ZC3HC1: variants seen among roughly 807,000 people sequenced by gnomAD.
ZC3HC1 encodes zinc finger C3HC-type protein 1.
Under a neutral mutation model 61.9 loss-of-function variants are expected in ZC3HC1, and 38 were observed. That is an observed-to-expected ratio of 0.61 (90% CI 0.47 to 0.81). The LOEUF (loss-of-function observed/expected upper bound fraction) is 0.81. Among genes scored for constraint, ZC3HC1 ranks in the 30% least tolerant of loss-of-function variants. The probability of loss-of-function intolerance (pLI) is 0.00; values close to 1 mark genes in which losing one functional copy is unlikely to be tolerated. For synonymous variants in ZC3HC1, 213 were observed against 229.9 expected (o/e 0.93, Z 0.67); for missense variants, 554 against 622.7 (o/e 0.89, Z 1.17).
At position 130,051,329 on chromosome 7, in the gene ZC3HC1, C is replaced by T. The variant is rs775087252; in HGVS notation, c.38G>A (p.Gly13Glu). The change falls in exon 1 of 10, where the codon GGG becomes GAG. Residue 13 changes from glycine (G) to glutamate (E), a missense_variant. Gly to Glu is a moderately conservative substitution (Grantham distance 98). Coordinates refer to ENST00000358303, the MANE Select transcript of ZC3HC1 (RefSeq NM_016478.5). ...APCEGQAFAV[G>E]VEKNWGAVVR... ...TACTGCACCCCAATTCTTTTCAACC[C>T]CTACGGCAAACGCTTGTCCCTCACA... is the stretch of plus-strand genomic sequence containing the variant. 3.1e-6 allele frequency: 5 copies of T among 1,613,360 alleles called. No individual in the cohort carries two copies. The South Asian group carries it at 5.5e-5, about 18-fold the overall frequency.
intron 6 of ZC3HC1, 146 bp downstream of exon 6, chr7:130,026,012 C>A (rs1028012622): frequency 6.9e-5 from 60 of 875,270 alleles, no homozygotes; most frequent in Non-Finnish European, 9.6e-5. Flanking sequence ...ATCCATTCTC[C>A]TCGCACCATC....
rs892651407 is a variant in ZC3HC1 at position 130,022,174 on chromosome 7, A to AAAAC, written c.1440+141_1440+144dup. 8 of 1,111,196 alleles carry AAAAC rather than the reference A, an allele frequency of 7.2e-6. No homozygotes were observed. The East Asian group carries it at 1.8e-4, about 25-fold the overall frequency. The allele number at this position is 1,111,196 out of a possible 1,614,324, so 68.8% of individuals were successfully genotyped here. A position where few individuals can be genotyped will look rare whatever the true frequency, so the allele number is the denominator to read the frequency against. ...CAACAAGAACGAGACTCCATCTCAA[A>AAAAC]AAACAAACAAACAAACAAAAAAACC... On this transcript the variant is annotated intron_variant, in intron 9 of 9. Coordinates refer to ENST00000358303, the MANE Select transcript of ZC3HC1 (RefSeq NM_016478.5).
intron 4 of ZC3HC1, among the ~76,000 whole-genome samples, chr7:130,034,931 C>T (rs1794372555): frequency 6.6e-6 from 1 of 152,154 alleles, no homozygotes; most frequent in South Asian, 2.1e-4. Flanking sequence ...CTTCTCATCA[C>T]ATACATTTAA....
chr7:130,033,745 C>A (rs1207736248), intron 4 of ZC3HC1, among the ~76,000 whole-genome samples: 3 of 152,162 alleles, frequency 2.0e-5, no homozygotes, highest in Non-Finnish European at 4.4e-5. Flanking sequence ...AGCCACCACG[C>A]CTGGCCTGTC....
At chr7:130,043,900 C>T in intron 2 of ZC3HC1, 1 of 450,888 alleles carries the variant, frequency 2.2e-6, no homozygotes, top group Admixed American at 2.5e-5. Flanking sequence ...TTAAGGATAA[C>T]AAATTATGTT....
Position 130,026,266 on chromosome 7 carries a change from T to C in ZC3HC1, c.668A>G (p.Asp223Gly), listed in dbSNP as rs1250412651. 1 of 1,614,046 alleles carries C rather than the reference T, an allele frequency of 6.2e-7. No individual in the cohort carries two copies. The highest frequency in any genetic ancestry group is 1.3e-5 in the African/African-American group (1 of 75,016). ...KISLLLHLLE[D>G]ELDHRTDERK... ...CTCATCAGTTCGGTGATCAAGTTCA[T>C]CTTCAAGCAAGTGTAGGAGAAGACT... Residue 223 changes from aspartate (D) to glycine (G), a missense_variant, in exon 6 of 10, where the codon GAT becomes GGT. By Grantham distance (94) the Asp-to-Gly change is moderately conservative. Transcript: ENST00000358303.
At chr7:130,028,033 C>T (rs925393526) in intron 5 of ZC3HC1, among the ~76,000 whole-genome samples, 2 of 150,460 alleles carry the variant, frequency 1.3e-5, no homozygotes, top group Admixed American at 6.7e-5. Context: ...TAGGCGTGGT[C>T]GCACGTGCCT....
intron 4 of ZC3HC1, among the ~76,000 whole-genome samples, chr7:130,035,374 AGAGT>A (rs1484001456): frequency 6.8e-6 from 1 of 147,364 alleles, no homozygotes; most frequent in African/African-American, 2.6e-5. Flanking sequence ...TCTGGGCAAC[AGAGT>A]GAGACTGTCT....
intron 9 of ZC3HC1, among the ~76,000 whole-genome samples, chr7:130,019,961 C>A (rs1238034229): frequency 6.6e-6 from 1 of 151,682 alleles, no homozygotes; most frequent in Non-Finnish European, 1.5e-5. Context: ...GGATTACAGG[C>A]ATATGCCACC....
chr7:130,023,821 A>T lies in ZC3HC1; in HGVS notation c.1021-98T>A. On this transcript the variant is annotated intron_variant, in intron 7 of 9. Transcript: ENST00000358303. The surrounding 1 kb of genome is among the most constrained non-coding windows in gnomAD (Gnocchi z 4.2). ...AATCTTTTTTCTTTTTTTTTTTGAG[A>T]CAGAGTCTCGCTTTGTTGCCAAGGC... is the stretch of plus-strand genomic sequence containing the variant. 1 of 1,120,258 alleles carries T rather than the reference A, an allele frequency of 8.9e-7. No individual in the cohort carries two copies. The highest frequency in any genetic ancestry group is 1.2e-6 in the Non-Finnish European group (1 of 806,976). The allele number at this position is 1,120,258 out of a possible 1,614,324, so 69.4% of individuals were successfully genotyped here.
intron 2 of ZC3HC1, chr7:130,044,011 C>A: frequency 2.9e-6 from 1 of 348,806 alleles, no homozygotes; most frequent in Non-Finnish European, 5.6e-6. Flanking sequence ...AGGAACTCAT[C>A]GTTTTTTAAA....
chr7:130,040,687 T>C (rs1014045277), intron 3 of ZC3HC1, among the ~76,000 whole-genome samples: 1 of 150,804 alleles, frequency 6.6e-6, no homozygotes, highest in Non-Finnish European at 1.5e-5. Flanking sequence ...ACTGCGCCTG[T>C]AGTCCCAGCT....
chr7:130,028,586 T>C (rs954872361), intron 5 of ZC3HC1, among the ~76,000 whole-genome samples: 4 of 152,012 alleles, frequency 2.6e-5, no homozygotes, highest in Non-Finnish European at 5.9e-5. Context: ...AAGATAAAAC[T>C]GAATTTATGG....
At chr7:130,034,268 G>A (rs1348628664) in intron 4 of ZC3HC1, among the ~76,000 whole-genome samples, 3 of 150,280 alleles carry the variant, frequency 2.0e-5, no homozygotes, top group South Asian at 4.2e-4. Flanking sequence ...GGCGTATCAC[G>A]AGGTCAGGAG....
chr7:130,022,649 C>A, intron 8 of ZC3HC1, 124 bp from the exon 9 acceptor site: 3 of 1,030,068 alleles, frequency 2.9e-6, no homozygotes, highest in Non-Finnish European at 4.3e-6. Context: ...TTATGCTCTC[C>A]TTCAAACTTT....
In ZC3HC1 at chr7:130,028,951, T is replaced by C. The variant is rs1794052319; in HGVS notation, c.572A>G (p.His191Arg). 1.2e-6 allele frequency: 2 copies of C among 1,613,722 alleles called. No individual in the cohort carries two copies. Among genetic ancestry groups the C allele is most frequent in the Admixed American group, 3.3e-5 (2 of 59,972 alleles). Residue 191 changes from histidine (H) to arginine (R), a missense_variant, in exon 5 of 10, where the codon CAC becomes CGC. Transcript: ENST00000358303. ...TAGGGAAGGAAGCTGGAGGTCCAAG[T>C]GACAAAGGCTTTGAAAACGATCTAG... ...EFLDRFQSLC[H>R]LDLQLPSLRP...
chr7:130,038,223 A>G (rs1294818605), intron 4 of ZC3HC1, among the ~76,000 whole-genome samples: 1 of 152,198 alleles, frequency 6.6e-6, no homozygotes. Context: ...CCTTATATAG[A>G]CAGGAAATAG....
intron 4 of ZC3HC1, among the ~76,000 whole-genome samples, chr7:130,036,391 G>A (rs970575607): frequency 5.3e-5 from 8 of 151,796 alleles, no homozygotes; most frequent in African/African-American, 1.7e-4. Context: ...CAGGAGAATC[G>A]CTTGAACTCA....
At chr7:130,026,992 T>TAAAAAAA (rs1563076366) in intron 5 of ZC3HC1, 1 of 146,102 alleles carries the variant, frequency 6.8e-6, no homozygotes, top group Non-Finnish European at 1.5e-5. Flanking sequence ...AAAAAAAAAT[T>TAAAAAAA]AAAGAAAAAA....
Sources: gnomAD v4.1 joint callset for allele counts (sites outside exome capture counted in the v4.1 genomes callset) on GRCh38, gnomAD v4.1.1 for gene constraint, Gnocchi (gnomAD v3.1) non-coding constraint, MANE v1.5 for transcripts, NCBI Gene and HGNC (gene_info 2026-07-23, HGNC 2026-07-21) for gene names.